The following MAP3K14 variants were observed in gnomAD, a reference collection of about 807,000 sequenced individuals.
MAP3K14 encodes NF-kappa-beta-inducing kinase.
In MAP3K14, 16 loss-of-function variants were observed where a neutral mutation model predicts 99.2. The observed-to-expected ratio is 0.16, with a 90% CI of 0.11 to 0.24. The LOEUF (loss-of-function observed/expected upper bound fraction) is 0.24. Ranked by LOEUF, MAP3K14 falls within the 10% of genes least tolerant of loss-of-function variation. MAP3K14 has a pLI of 1.00. For synonymous variants in MAP3K14, 462 were observed against 492.4 expected (o/e 0.94, Z 0.82); for missense variants, 784 against 1,208.7 (o/e 0.65, Z 5.21).
intron 9 of MAP3K14, among the ~76,000 whole-genome samples, chr17:45,273,227 C>T (rs1034041071): frequency 2.6e-5 from 4 of 152,178 alleles, no homozygotes; most frequent in African/African-American, 7.2e-5. Context: ...GTAGGAGCCA[C>T]GGGGACTCCA....
chr17:45,275,013 C>G (rs1412249033), intron 6 of MAP3K14, among the ~76,000 whole-genome samples: 1 of 151,778 alleles, frequency 6.6e-6, no homozygotes, highest in Non-Finnish European at 1.5e-5. Flanking sequence ...GCGGCGGGTG[C>G]CTGTAGTCCC....
intron 1 of MAP3K14, among the ~76,000 whole-genome samples, chr17:45,291,526 A>C (rs2044311022): frequency 6.6e-6 from 1 of 152,122 alleles, no homozygotes; most frequent in Non-Finnish European, 1.5e-5. Flanking sequence ...ACGAACCTAT[A>C]CCTCTAGAAA....
intron 1 of MAP3K14, among the ~76,000 whole-genome samples, chr17:45,310,413 A>G (rs2044465516): frequency 6.6e-6 from 1 of 152,180 alleles, no homozygotes; most frequent in Non-Finnish European, 1.5e-5. Flanking sequence ...CCTCCTGGCT[A>G]TCCCTAGTAT....
At chr17:45,292,823 T>G (rs906828643) in intron 1 of MAP3K14, among the ~76,000 whole-genome samples, 3 of 152,226 alleles carry the variant, frequency 2.0e-5, no homozygotes, top group African/African-American at 7.2e-5. Context: ...GGGAGCTCGA[T>G]GTGAGCGTGA....
rs34242513 is a variant in MAP3K14, at chr17:45,265,814, C to T, written c.2579-551G>A. Reference sequence around the variant, plus strand: ...ATATTATATACACCTGCTAGTTCTTCCTGGCCGTCAGCACCTGGGATTTGG... The same window carrying T: ...ATATTATATACACCTGCTAGTTCTTTCTGGCCGTCAGCACCTGGGATTTGG... On this transcript the variant is annotated intron_variant, in intron 14 of 15. Transcript: ENST00000344686. Among the ~76,000 whole-genome samples, 817 of 152,330 alleles carry T rather than the reference C, an allele frequency of 5.4e-3. 4 individuals are homozygous for T. Among genetic ancestry groups the T allele is most frequent in the Non-Finnish European group, 8.2e-3 (557 of 68,036 alleles).
intron 1 of MAP3K14, among the ~76,000 whole-genome samples, chr17:45,292,669 C>T (rs568403214): frequency 6.6e-6 from 1 of 152,250 alleles, no homozygotes; most frequent in African/African-American, 2.4e-5. Context: ...CCTCACACCT[C>T]CCCACCCCAC....
chr17:45,287,485 T>G, intron 3 of MAP3K14, 121 bp from the exon 4 acceptor site: 1 of 758,856 alleles, frequency 1.3e-6, no homozygotes, highest in Non-Finnish European at 2.1e-6. Flanking sequence ...CCATTCCTTG[T>G]GTGAATGCGG....
At chr17:45,315,315 C>T (rs1204983575) in intron 1 of MAP3K14, among the ~76,000 whole-genome samples, 1 of 152,126 alleles carries the variant, frequency 6.6e-6, no homozygotes, top group African/African-American at 2.4e-5. Flanking sequence ...TTCTTATAAT[C>T]AGAAAACACT....
chr17:45,291,235 G>A (rs2044308246), intron 1 of MAP3K14, among the ~76,000 whole-genome samples: 1 of 152,240 alleles, frequency 6.6e-6, no homozygotes, highest in South Asian at 2.1e-4. Context: ...CATCCACAGC[G>A]ACTTTTCTCC....
chr17:45,312,374 C>T (rs949521951), intron 1 of MAP3K14, among the ~76,000 whole-genome samples: 1 of 152,134 alleles, frequency 6.6e-6, no homozygotes, highest in Non-Finnish European at 1.5e-5. Flanking sequence ...GCTTGACATC[C>T]GGTGATCTAT....
rs117640223 is a variant in MAP3K14, at chr17:45,312,805, G to C, written c.-21+4155C>G. ...GAGAAGCTGACAAAGACATCTTTAC[G>C]AGGGGGAAAGGGTGGTGAGCTGGGG... On this transcript the variant is annotated intron_variant, in intron 1 of 15. Coordinates refer to ENST00000344686, the MANE Select transcript of MAP3K14 (RefSeq NM_003954.5). 2.1e-3 allele frequency among the ~76,000 whole-genome samples: 327 copies of C among 152,302 alleles called. 1 individual carries two copies. The highest frequency in any genetic ancestry group is 3.8e-3 in the Non-Finnish European group (258 of 68,022).
At chr17:45,273,634 G>C (rs76646666) in intron 8 of MAP3K14, 27 bp from the exon 9 acceptor site, 1 of 1,571,204 alleles carries the variant, frequency 6.4e-7, no homozygotes. Context: ...GGGAGGAAGA[G>C]GAACAGGTGA....
At chr17:45,273,969 C>T (rs2044159754) in intron 8 of MAP3K14, 154 bp downstream of exon 8, 3 of 899,260 alleles carry the variant, frequency 3.3e-6, no homozygotes, top group Non-Finnish European at 5.0e-6. Flanking sequence ...GGTTGGAGAA[C>T]ATCATTCCCC....
chr17:45,276,376 G>A (rs556183860), intron 6 of MAP3K14, among the ~76,000 whole-genome samples: 19 of 152,206 alleles, frequency 1.2e-4, no homozygotes, highest in Non-Finnish European at 2.4e-4. Context: ...AGGGACGGTG[G>A]TATCTGCTCC....
chr17:45,299,033 T>C (rs1384045408), intron 1 of MAP3K14, among the ~76,000 whole-genome samples: 2 of 152,148 alleles, frequency 1.3e-5, no homozygotes, highest in African/African-American at 4.8e-5. Context: ...GGTGAGTCAA[T>C]GCAGCAATCA....
At chr17:45,290,433 TACCCACCTGCAGGCCC>T (rs1280765541) in intron 2 of MAP3K14, 41 bp downstream of exon 2, 2 of 1,600,930 alleles carry the variant, frequency 1.2e-6, no homozygotes, top group Admixed American at 1.7e-5. Flanking sequence ...TGGGCCCAGC[TACCCACCTGCAGGCCC>T]ACCCACCTGC....
chr17:45,267,360 C>G lies in MAP3K14; in HGVS notation c.2326+46G>C. On this transcript the variant is annotated intron_variant, in intron 12 of 15. Coordinates refer to ENST00000344686, the MANE Select transcript of MAP3K14 (RefSeq NM_003954.5). This position sits in a 1 kb window ranked among gnomAD's most constrained non-coding sequence, Gnocchi z 5.1. The stretch of plus-strand genomic sequence containing the variant: ...AGAAACACCGGCCTCCGCGGGTGGC[C>G]CAGGGCCAGTGCTCAGGGCCCCACT... The G allele has an allele frequency of 6.5e-7, 1 of 1,536,818 alleles. No individual in the cohort carries two copies.
chr17:45,308,288 G>T (rs530226278), intron 1 of MAP3K14, among the ~76,000 whole-genome samples: 4 of 152,272 alleles, frequency 2.6e-5, no homozygotes, highest in African/African-American at 9.6e-5. Context: ...ATGACCAAGA[G>T]CCTTCTCTGT....
rs9635724 is a variant in MAP3K14, at chr17:45,271,830, G to T, written c.1658-609C>A. 2.2e-3 allele frequency among the ~76,000 whole-genome samples: 337 copies of T among 152,200 alleles called. 6 individuals are homozygous for T. In the East Asian group the frequency reaches 0.041, roughly 18 times the overall value. On this transcript the variant is annotated intron_variant, in intron 9 of 15. Coordinates refer to ENST00000344686, the MANE Select transcript of MAP3K14 (RefSeq NM_003954.5). ...GGCAGGGGCTGGACATTACAAATTA[G>T]GTTGTAGAAGGCTAGTAAGTAATAC...
Sources: gnomAD v4.1 joint callset for allele counts (sites outside exome capture counted in the v4.1 genomes callset) on GRCh38, gnomAD v4.1.1 for gene constraint, Gnocchi (gnomAD v3.1) non-coding constraint, MANE v1.5 for transcripts, NCBI Gene and HGNC (gene_info 2026-07-23, HGNC 2026-07-21) for gene names.